GPD2: variants seen among roughly 807,000 people sequenced by gnomAD.
The protein encoded by GPD2 is glycerol-3-phosphate dehydrogenase 2.
In GPD2, 54 loss-of-function variants were observed where a neutral mutation model predicts 82.4. That is an observed-to-expected ratio of 0.66 (90% CI 0.53 to 0.82). The LOEUF is 0.82. Ranked by LOEUF, GPD2 falls within the 40% of genes least tolerant of loss-of-function variation. The pLI is 0.00. For synonymous variants in GPD2, 288 were observed against 306.1 expected (o/e 0.94, Z 0.62); for missense variants, 748 against 896.2 (o/e 0.83, Z 2.11).
intron 6 of GPD2, among the ~76,000 whole-genome samples, chr2:156,541,649 T>C (rs1686314650): frequency 6.6e-6 from 1 of 152,120 alleles, no homozygotes; most frequent in African/African-American, 2.4e-5. Flanking sequence ...TCAATGAATT[T>C]AGTGCATTTC....
chr2:156,472,236 A>C (rs1425014245), intron 1 of GPD2, among the ~76,000 whole-genome samples: 1 of 152,136 alleles, frequency 6.6e-6, no homozygotes, highest in Non-Finnish European at 1.5e-5. Flanking sequence ...TCTCCTTACA[A>C]TGGTAAATGG....
At chr2:156,504,380 A>G (rs535910137) in intron 3 of GPD2, among the ~76,000 whole-genome samples, 2 of 152,128 alleles carry the variant, frequency 1.3e-5, no homozygotes, top group South Asian at 4.1e-4. Flanking sequence ...CTAAAGAAAG[A>G]TAAACTCACC....
intron 3 of GPD2, among the ~76,000 whole-genome samples, chr2:156,496,449 T>C (rs1417254375): frequency 2.6e-5 from 4 of 152,114 alleles, no homozygotes; most frequent in African/African-American, 7.2e-5. Context: ...GTGTTCCCAT[T>C]GTTCAGCTCA....
At chr2:156,404,204 C>A in the GPD2 span, among the ~76,000 whole-genome samples, 13 of 151,258 alleles carry the variant, frequency 8.6e-5, no homozygotes, top group African/African-American at 2.9e-4. Flanking sequence ...CTTGTCTCTA[C>A]AAAAAATAAA....
chr2:156,457,409 G>A (rs1372128389), intron 1 of GPD2, among the ~76,000 whole-genome samples: 1 of 152,188 alleles, frequency 6.6e-6, no homozygotes, highest in Non-Finnish European at 1.5e-5. Flanking sequence ...GATCTGAAGG[G>A]AAAATCCTCT....
intron 2 of GPD2, among the ~76,000 whole-genome samples, chr2:156,488,126 A>T (rs1357799957): frequency 1.3e-5 from 2 of 152,102 alleles, no homozygotes; most frequent in Admixed American, 6.6e-5. Flanking sequence ...ATGACAGTGT[A>T]ACCATTGGCA....
chr2:156,495,689 T>G (rs1333703166), intron 2 of GPD2: 1 of 415,506 alleles, frequency 2.4e-6, no homozygotes, highest in East Asian at 7.2e-5. Context: ...TTGCTAGTAC[T>G]GGGTAAAAAA....
At chr2:156,561,573 T>C (rs1045812471) in intron 9 of GPD2, among the ~76,000 whole-genome samples, 2 of 152,210 alleles carry the variant, frequency 1.3e-5, no homozygotes, top group Non-Finnish European at 2.9e-5. Context: ...ACTGACCTTA[T>C]TTGAATTTGA....
chr2:156,485,575 T>C (rs1018927978), intron 2 of GPD2, among the ~76,000 whole-genome samples: 1 of 152,252 alleles, frequency 6.6e-6, no homozygotes, highest in Non-Finnish European at 1.5e-5. Context: ...TGTGTATTAA[T>C]TGAAGTAAGC....
rs1682075919 is a variant in GPD2, at chr2:156,439,535, A to AAAAAAAG, written c.-9+3026_-9+3027insAAGAAAA. ...TCAGAAAAAAAAAAAAAAAAAAAAA[A>AAAAAAAG]AAAACAAAAAAAAAAAAACAAGCCA... On this transcript the variant is annotated intron_variant, in intron 1 of 16. Transcript: ENST00000438166. Among the ~76,000 whole-genome samples the AAAAAAAG allele has an allele frequency of 2.6e-5, 3 of 115,182 alleles. No individual in the cohort carries two copies. The Admixed American group carries it at 2.9e-4, about 11-fold the overall frequency. The allele number at this position is 115,182 out of a possible 152,430, so 75.6% of individuals were successfully genotyped here. A position where few individuals can be genotyped will look rare whatever the true frequency, so the allele number is the denominator to read the frequency against.
the GPD2 span, among the ~76,000 whole-genome samples, chr2:156,406,419 A>G: frequency 2.0e-5 from 3 of 152,164 alleles, no homozygotes; most frequent in African/African-American, 7.2e-5. Flanking sequence ...TCCTTTTAAA[A>G]TGGCACTGAC....
the GPD2 span, among the ~76,000 whole-genome samples, chr2:156,405,527 G>A: frequency 6.6e-6 from 1 of 152,226 alleles, no homozygotes; most frequent in African/African-American, 2.4e-5. Flanking sequence ...GTGGAGGCAG[G>A]CAGAGCCCCA....
chr2:156,575,303 T>G (rs1409855139), intron 13 of GPD2, among the ~76,000 whole-genome samples: 1 of 152,156 alleles, frequency 6.6e-6, no homozygotes. Context: ...TTTAAGTTTA[T>G]TTTATCAGCA....
At chr2:156,569,867 A>C (rs558351977) in intron 11 of GPD2, among the ~76,000 whole-genome samples, 1 of 152,264 alleles carries the variant, frequency 6.6e-6, no homozygotes, top group South Asian at 2.1e-4. Flanking sequence ...AAGCTTCATC[A>C]GTCATTGATG....
chr2:156,428,230 G>T, the GPD2 span, among the ~76,000 whole-genome samples: 2 of 152,164 alleles, frequency 1.3e-5, no homozygotes, highest in East Asian at 1.9e-4. Context: ...TGCAGACTTT[G>T]CTTTCTACCT....
At chr2:156,548,541 CTCTT>C (rs1449874169) in intron 6 of GPD2, among the ~76,000 whole-genome samples, 6 of 151,336 alleles carry the variant, frequency 4.0e-5, no homozygotes, top group Non-Finnish European at 7.3e-5. Flanking sequence ...CATTGATTCT[CTCTT>C]TATAACTTTG....
chr2:156,500,374 C>T (rs1478411947), intron 3 of GPD2, among the ~76,000 whole-genome samples: 2 of 152,082 alleles, frequency 1.3e-5, no homozygotes, highest in East Asian at 1.9e-4. Flanking sequence ...ATCAGTGGCC[C>T]TCTGAAGTGT....
chr2:156,434,411 G>T (rs139743977), upstream of GPD2, among the ~76,000 whole-genome samples: 1,223 of 152,184 alleles, frequency 8.0e-3, 5 homozygotes, highest in Non-Finnish European at 0.012. Flanking sequence ...CGGCCACAAG[G>T]AAGTTTTTAA....
intron 2 of GPD2, among the ~76,000 whole-genome samples, chr2:156,493,922 A>ATGTGTGTGTGTGTGTGTGTGTG (rs1281854521): frequency 1.3e-5 from 1 of 79,100 alleles, no homozygotes; most frequent in African/African-American, 5.0e-5. Context: ...TGTTATATAT[A>ATGTGTGTGTGTGTGTGTGTGTG]TGTATGTGTG....
Sources: gnomAD v4.1 joint callset for allele counts (sites outside exome capture counted in the v4.1 genomes callset) on GRCh38, gnomAD v4.1.1 for gene constraint, MANE v1.5 for transcripts, NCBI Gene and HGNC (gene_info 2026-07-23, HGNC 2026-07-21) for gene names.